The following ZNF610 variants were observed in gnomAD, a reference collection of about 807,000 sequenced individuals.
ZNF610 encodes zink finger protein.
Under a neutral mutation model 14.1 loss-of-function variants are expected in ZNF610, and 14 were observed. The observed-to-expected ratio is 0.99, with a 90% CI of 0.65 to 1.55. ZNF610 has a LOEUF of 1.55. Among genes scored for constraint, ZNF610 ranks in the 40% most tolerant of loss-of-function variants. The pLI, the probability that ZNF610 is intolerant of heterozygous loss-of-function variation, is 0.00. For synonymous variants in ZNF610, 185 were observed against 187.6 expected, an observed-to-expected ratio of 0.99 and a Z score of 0.11; for missense variants, 530 against 558.0, an observed-to-expected ratio of 0.95 and a Z score of 0.51.
chr19:52,364,284 G>C (rs1470821946), intron 5 of ZNF610, among the ~76,000 whole-genome samples: 1 of 152,054 alleles, frequency 6.6e-6, no homozygotes, highest in East Asian at 1.9e-4. Context: ...TGATTTTTTT[G>C]TTTTCTTTTT....
upstream of ZNF610, among the ~76,000 whole-genome samples, chr19:52,335,512 A>T (rs1984334329): frequency 6.6e-6 from 1 of 152,074 alleles, no homozygotes; most frequent in African/African-American, 2.4e-5. Flanking sequence ...CTCTCTAGAG[A>T]TGAGCACTCT....
chr19:52,336,208 G>C (rs1481225267), upstream of ZNF610: 1 of 200,538 alleles, frequency 5.0e-6, no homozygotes, highest in South Asian at 7.2e-5. Context: ...GTCCCGTCCC[G>C]GTCCGCTCTC....
At chr19:52,363,775 G>A (rs761122280) in intron 5 of ZNF610, among the ~76,000 whole-genome samples, 39 of 152,126 alleles carry the variant, frequency 2.6e-4, no homozygotes, top group Non-Finnish European at 3.8e-4. Context: ...GGAGTCTGTC[G>A]TGGATAGGAT....
At chr19:52,353,914 C>T (rs567661583) in intron 4 of ZNF610, 106 bp downstream of exon 4, 2 of 1,386,364 alleles carry the variant, frequency 1.4e-6, no homozygotes, top group South Asian at 2.9e-5. Context: ...GAGGTAGAAA[C>T]CTTGTTGACT....
chr19:52,342,369 C>A (rs1386049335), intron 1 of ZNF610, among the ~76,000 whole-genome samples: 1 of 152,106 alleles, frequency 6.6e-6, no homozygotes, highest in African/African-American at 2.4e-5. Context: ...TCTGGAATTA[C>A]AAGGATGAGC....
chr19:52,334,573 T>C (rs1299624600), upstream of ZNF610, among the ~76,000 whole-genome samples: 1 of 152,022 alleles, frequency 6.6e-6, no homozygotes, highest in Non-Finnish European at 1.5e-5. Flanking sequence ...GAAACACAGA[T>C]GAAACAAATT....
intron 1 of ZNF610, among the ~76,000 whole-genome samples, chr19:52,341,126 A>G (rs890484539): frequency 1.1e-4 from 17 of 152,152 alleles, no homozygotes; most frequent in Admixed American, 9.2e-4. Context: ...TTCTCCCTGC[A>G]GTAAGTACCC....
At chr19:52,336,997 G>C (rs1034787649) in intron 1 of ZNF610, among the ~76,000 whole-genome samples, 1 of 152,170 alleles carries the variant, frequency 6.6e-6, no homozygotes, top group African/African-American at 2.4e-5. Context: ...AAAGAAGCAT[G>C]AGGGAGATCC....
intron 1 of ZNF610, among the ~76,000 whole-genome samples, chr19:52,346,228 A>G (rs11879675): frequency 0.022 from 3,339 of 150,498 alleles, 289 homozygotes; most frequent in African/African-American, 0.078. Flanking sequence ...TCTGTTGCCC[A>G]GGCTCAGCTC....
chr19:52,334,071 G>A (rs529893798), upstream of ZNF610, among the ~76,000 whole-genome samples: 31 of 152,060 alleles, frequency 2.0e-4, no homozygotes, highest in Non-Finnish European at 4.3e-4. Flanking sequence ...TATCAACAAT[G>A]GTTTATAAAC....
upstream of ZNF610, among the ~76,000 whole-genome samples, chr19:52,331,315 G>A (rs1454883688): frequency 6.6e-6 from 1 of 152,184 alleles, no homozygotes. Flanking sequence ...TCCCAATAGA[G>A]TGGCAGTCCC....
At chr19:52,331,873 T>A (rs1984222407), upstream of ZNF610, among the ~76,000 whole-genome samples, 1 of 152,204 alleles carries the variant, frequency 6.6e-6, no homozygotes, top group East Asian at 1.9e-4. Context: ...ATTTGCCCCC[T>A]TTGTTCAATC....
chr19:52,353,769 G>C lies in ZNF610; in HGVS notation c.151G>C (p.Asp51His), dbSNP rs777279892. ...LDPGQRALYR[D>H]VMLENYRNLV... ...CCCTGGACAGAGGGCTTTATACAGG[G>C]ACGTGATGTTGGAGAACTACAGGAA... Residue 51 changes from aspartate to histidine, a missense_variant, in exon 4 of 6, where the codon GAC becomes CAC. Physicochemically the swap from Asp to His is moderately conservative, Grantham distance 81. Coordinates refer to ENST00000403906, the MANE Select transcript of ZNF610 (RefSeq NM_001161425.2). The C allele has an allele frequency of 6.2e-7, 1 of 1,613,270 alleles. No individual in the cohort carries two copies. The highest frequency in any genetic ancestry group is 1.1e-5 in the South Asian group (1 of 90,824).
chr19:52,355,352 G>A (rs1985474735), intron 5 of ZNF610, among the ~76,000 whole-genome samples: 1 of 151,938 alleles, frequency 6.6e-6, no homozygotes, highest in African/African-American at 2.4e-5. Context: ...TTTGCATCTG[G>A]GCCCTGGAAA....
chr19:52,353,799 G>A lies in ZNF610; in HGVS notation c.181G>A (p.Val61Ile). ...DVMLENYRNL[V>I]FLGICLPDLS... ...GATGTTGGAGAACTACAGGAACCTG[G>A]TCTTTCTGGGTGAGGATGACTTCCC... The change falls in exon 4 of 6, where the codon GTC becomes ATC. Residue 61 changes from valine to isoleucine, a missense_variant. Transcript: ENST00000403906. 6.2e-7 allele frequency: 1 copy of A among 1,611,732 alleles called. No individual in the cohort carries two copies. The highest frequency in any genetic ancestry group is 2.2e-5 in the East Asian group (1 of 44,824).
At chr19:52,356,354 C>T (rs972759275) in intron 5 of ZNF610, among the ~76,000 whole-genome samples, 15 of 152,182 alleles carry the variant, frequency 9.9e-5, no homozygotes, top group African/African-American at 3.4e-4. Flanking sequence ...AAATAGCAAC[C>T]AGATGCTTCT....
chr19:52,345,861 C>T (rs1007206900), intron 1 of ZNF610, among the ~76,000 whole-genome samples: 13 of 151,560 alleles, frequency 8.6e-5, no homozygotes, highest in African/African-American at 1.5e-4. Context: ...CTCACCACCA[C>T]GCCCAGCTAA....
chr19:52,361,996 A>C (rs35017258), intron 5 of ZNF610, among the ~76,000 whole-genome samples: 26,938 of 152,028 alleles, frequency 0.18, 2,640 homozygotes, highest in East Asian at 0.25. Flanking sequence ...TCATAGCTCA[A>C]TTCAACCACA....
intron 5 of ZNF610, among the ~76,000 whole-genome samples, chr19:52,361,426 C>G (rs960868421): frequency 4.1e-4 from 63 of 152,228 alleles, no homozygotes; most frequent in Non-Finnish European, 7.5e-4. Flanking sequence ...ATCCACCCGC[C>G]TCGGCCTCCC....
Sources: allele counts gnomAD v4.1 joint callset (sites outside exome capture counted in the v4.1 genomes callset), GRCh38; gene constraint gnomAD v4.1.1; transcripts MANE v1.5; gene names NCBI Gene and HGNC (gene_info 2026-07-23, HGNC 2026-07-21).